GDPD3: variants seen among roughly 807,000 people sequenced by gnomAD.
GDPD3 encodes glycerophosphodiester phosphodiesterase domain containing 3, also known as lysophospholipase D GDPD3.
GDPD3 carries 40 observed loss-of-function variants against 43.7 expected under a neutral mutation model. The observed-to-expected ratio is 0.91, with a 90% CI of 0.71 to 1.19. GDPD3 has a LOEUF of 1.19. Ranked by LOEUF, GDPD3 falls within the 50% of genes most tolerant of loss-of-function variation. The pLI, the probability that GDPD3 is intolerant of heterozygous loss-of-function variation, is 0.00. For missense variants in GDPD3, 363 were observed against 415.8 expected (o/e 0.87, Z 1.11); for synonymous variants, 145 against 162.9 (o/e 0.89, Z 0.84).
At chr16:30,108,562 T>G in intron 7 of GDPD3, 130 bp from the exon 8 acceptor site, 1 of 775,042 alleles carries the variant, frequency 1.3e-6, no homozygotes, top group South Asian at 1.5e-5. Flanking sequence ...CAGAATAACC[T>G]TTGTAGTTGC....
At position 30,113,292 on chromosome 16, in the gene GDPD3, C is replaced by T. The variant is rs1336610754; in HGVS notation, c.139+48G>A. 8 of 1,558,016 alleles carry T rather than the reference C, an allele frequency of 5.1e-6. No homozygotes were observed. The Admixed American group carries it at 1.3e-4, about 25-fold the overall frequency. Reference sequence around the variant, plus strand: ...CTAGCATGCCCCCTTGGACCTACCCCTCTGTGCTGTCCACTTTGGCACCTG... The same window carrying T: ...CTAGCATGCCCCCTTGGACCTACCCTTCTGTGCTGTCCACTTTGGCACCTG... On this transcript the variant is annotated intron_variant, in intron 1 of 9. Coordinates refer to ENST00000406256, the MANE Select transcript of GDPD3 (RefSeq NM_024307.3). The surrounding 1 kb of genome is among the most constrained non-coding windows in gnomAD (Gnocchi z 5.9).
In GDPD3 at chr16:30,108,196, G is replaced by A. The variant is rs750124469; in HGVS notation, c.819+17C>T. 2.3e-4 allele frequency: 366 copies of A among 1,571,610 alleles called. No individual in the cohort carries two copies. The highest frequency in any genetic ancestry group is 3.1e-4 in the Non-Finnish European group (357 of 1,154,430). ...TGCCAGGTCTGTGTGCGGTGGAAGT[G>A]GTGGTCACGGCCTCACCTGCACCCC... is the stretch of plus-strand genomic sequence containing the variant. On this transcript the variant is annotated intron_variant, in intron 9 of 9. Coordinates refer to ENST00000406256, the MANE Select transcript of GDPD3 (RefSeq NM_024307.3).
At chr16:30,106,383 T>C (rs1226849552) in intron 9 of GDPD3, among the ~76,000 whole-genome samples, 3 of 152,044 alleles carry the variant, frequency 2.0e-5, no homozygotes, top group Non-Finnish European at 2.9e-5. Context: ...GGGCTTTCAT[T>C]TGTTCCTCTC....
At chr16:30,105,134 G>GA in intron 9 of GDPD3, 125 bp from the exon 10 acceptor site, 1 of 814,474 alleles carries the variant, frequency 1.2e-6, no homozygotes, top group Non-Finnish European at 1.9e-6. Flanking sequence ...TAAATTCTCA[G>GA]GAATTTTGCA....
chr16:30,111,439 A>G lies in GDPD3; in HGVS notation c.656T>C (p.Ile219Thr). The change falls in exon 7 of 10, where the codon ATC (isoleucine) becomes ACC (threonine). Residue 219 changes from isoleucine (I) to threonine (T), a missense_variant. Physicochemically the swap from Ile to Thr is moderately conservative, Grantham distance 89. Transcript: ENST00000406256. ...LSYYLGLLPF[I>T]PIPEKFFFCF... ...GAAGAAGAACTTCTCAGGGATTGGG[A>G]TGAAGGGCAGCAGCCCCAGGTAGTA... is the stretch of plus-strand genomic sequence containing the variant. The G allele has an allele frequency of 6.2e-7, 1 of 1,613,988 alleles. No individual in the cohort carries two copies.
At chr16:30,111,353 G>A (rs1368998548) in intron 7 of GDPD3, 35 bp downstream of exon 7, 6 of 1,610,016 alleles carry the variant, frequency 3.7e-6, no homozygotes, top group East Asian at 2.2e-5. Flanking sequence ...CCTAAGCAGT[G>A]GGGAGTTTTT....
intron 7 of GDPD3, among the ~76,000 whole-genome samples, chr16:30,110,245 A>G (rs1180309802): frequency 6.6e-6 from 1 of 151,686 alleles, no homozygotes; most frequent in African/African-American, 2.4e-5. Context: ...CCTGGCTAAT[A>G]CGGTGAAACC....
chr16:30,110,097 T>C (rs114350424), intron 7 of GDPD3, among the ~76,000 whole-genome samples: 160 of 151,994 alleles, frequency 1.1e-3, no homozygotes, highest in African/African-American at 3.8e-3. Context: ...CTCCTGGGGG[T>C]GCTGCAAGGT....
intron 9 of GDPD3, among the ~76,000 whole-genome samples, chr16:30,106,806 A>C (rs1047574551): frequency 1.3e-5 from 2 of 151,968 alleles, no homozygotes; most frequent in African/African-American, 4.8e-5. Flanking sequence ...TCCTGGGTTC[A>C]AGTGATTCTC....
chr16:30,112,581 G>T lies in GDPD3; in HGVS notation c.319-13C>A. Reference sequence around the variant, plus strand: ...AGAGGGGCAGGTCCTGGGGAGGACAGGAAGGATGTCACTAGAGGCCCGCAT... The same window carrying T: ...AGAGGGGCAGGTCCTGGGGAGGACATGAAGGATGTCACTAGAGGCCCGCAT... On this transcript the variant is annotated splice_polypyrimidine_tract_variant and intron_variant, in intron 3 of 9. Transcript: ENST00000406256. This position sits in a 1 kb window ranked among gnomAD's most constrained non-coding sequence, Gnocchi z 5.4. The T allele has an allele frequency of 6.2e-7, 1 of 1,614,164 alleles. No homozygotes were observed. Among genetic ancestry groups the T allele is most frequent in the Non-Finnish European group, 8.5e-7 (1 of 1,179,994 alleles).
intron 7 of GDPD3, among the ~76,000 whole-genome samples, chr16:30,109,793 A>T (rs2072886909): frequency 6.6e-6 from 1 of 152,162 alleles, no homozygotes; most frequent in African/African-American, 2.4e-5. Flanking sequence ...CAAAAAGAGC[A>T]AAACTCCGTC....
chr16:30,112,486 G>T lies in GDPD3; in HGVS notation c.364+37C>A. The T allele has an allele frequency of 1.9e-6, 3 of 1,613,928 alleles. No individual in the cohort carries two copies. The highest frequency in any genetic ancestry group is 2.5e-6 in the Non-Finnish European group (3 of 1,179,794). On this transcript the variant is annotated intron_variant, in intron 4 of 9. Coordinates refer to ENST00000406256, the MANE Select transcript of GDPD3 (RefSeq NM_024307.3). The surrounding 1 kb of genome is among the most constrained non-coding windows in gnomAD (Gnocchi z 5.4). ...CAAGGCGGAGGTCCAAGGAAGGCAGGCATGGCCCAGGCAGGGCTCGAAGCC... is the reference window on the plus strand; with the variant it reads ...CAAGGCGGAGGTCCAAGGAAGGCAGTCATGGCCCAGGCAGGGCTCGAAGCC...
Position 30,112,108 on chromosome 16 carries a change from C to CG in GDPD3, c.573+23dup, listed in dbSNP as rs752022679. 1 of 1,501,372 alleles carries CG rather than the reference C, an allele frequency of 6.7e-7. No individual in the cohort carries two copies. The highest frequency in any genetic ancestry group is 1.1e-5 in the South Asian group (1 of 88,466). The allele number at this position is 1,501,372 out of a possible 1,614,324, so 93.0% of individuals were successfully genotyped here. ...AGGGGCCCCTGGAGGAGGAAGAGGA[C>CG]GGGGGAGGGGTGGGGGGACTCACGG... On this transcript the variant is annotated intron_variant, in intron 6 of 9. Transcript: ENST00000406256. This position sits in a 1 kb window ranked among gnomAD's most constrained non-coding sequence, Gnocchi z 5.4.
At chr16:30,109,545 G>A (rs573533424) in intron 7 of GDPD3, among the ~76,000 whole-genome samples, 71 of 151,872 alleles carry the variant, frequency 4.7e-4, no homozygotes, top group East Asian at 2.0e-3. Context: ...GGTGGTTCAC[G>A]CCTGTAATCC....
intron 7 of GDPD3, among the ~76,000 whole-genome samples, chr16:30,108,978 C>T (rs552762863): frequency 4.0e-5 from 6 of 151,704 alleles, no homozygotes; most frequent in South Asian, 4.2e-4. Flanking sequence ...ACTACAGGTG[C>T]CCGCCACCAC....
rs201638108 is a variant in GDPD3 at position 30,111,488 on chromosome 16, G to A, written c.607C>T (p.Arg203Ter). 231 of 1,613,880 alleles carry A rather than the reference G, an allele frequency of 1.4e-4. No individual in the cohort carries two copies. The highest frequency in any genetic ancestry group is 1.8e-4 in the Non-Finnish European group (218 of 1,179,966). ...PEMPLSFTIS[R>*]GFWVLLSYYL... ...TAGGAAAGCAGCACCCAGAATCCTC[G>A]GCTTATTGTGAAGGACAGGGGCATC... is the stretch of plus-strand genomic sequence containing the variant. Residue 203 changes from arginine to a stop codon, truncating the protein, a stop_gained, in exon 7 of 10, where the codon CGA (arginine) becomes TGA (stop). Coordinates refer to ENST00000406256, the MANE Select transcript of GDPD3 (RefSeq NM_024307.3). LOFTEE classifies it high-confidence loss of function.
At chr16:30,108,918 G>A (rs1048626937) in intron 7 of GDPD3, among the ~76,000 whole-genome samples, 7 of 151,412 alleles carry the variant, frequency 4.6e-5, no homozygotes, top group Non-Finnish European at 1.0e-4. Flanking sequence ...TGCAAGCTCC[G>A]CCTCCTGGGT....
intron 7 of GDPD3, chr16:30,110,846 G>C (rs1016691979): frequency 8.7e-5 from 4 of 45,992 alleles, no homozygotes; most frequent in African/African-American, 7.2e-4. Flanking sequence ...ATTCCAGCCC[G>C]AGCAAGACTG....
At chr16:30,106,494 G>A (rs1273973767) in intron 9 of GDPD3, among the ~76,000 whole-genome samples, 1 of 151,980 alleles carries the variant, frequency 6.6e-6, no homozygotes, top group Admixed American at 6.6e-5. Flanking sequence ...TTCCCTGCCC[G>A]TTGAGTGGGC....
Sources: allele counts gnomAD v4.1 joint callset (sites outside exome capture counted in the v4.1 genomes callset), GRCh38; gene constraint gnomAD v4.1.1; non-coding constraint Gnocchi (gnomAD v3.1); transcripts MANE v1.5; gene names NCBI Gene and HGNC (gene_info 2026-07-23, HGNC 2026-07-21).